Variants in GPC6 observed in about 807,000 individuals in gnomAD.
The protein encoded by GPC6 is glypican-6.
In GPC6, 14 loss-of-function variants were observed where a neutral mutation model predicts 55.2. The ratio of observed to expected loss-of-function variants is 0.25; its 90% confidence interval spans 0.17 to 0.40. GPC6 has a LOEUF of 0.40. GPC6 is among the 10% of genes least tolerant of loss of function. GPC6 has a pLI of 1.00. For synonymous variants in GPC6, 278 were observed against 259.6 expected, an observed-to-expected ratio of 1.07 and a Z score of -0.68; for missense variants, 641 against 708.5, an observed-to-expected ratio of 0.90 and a Z score of 1.08.
intron 4 of GPC6, among the ~76,000 whole-genome samples, chr13:94,034,770 G>T (rs73544035): frequency 2.6e-5 from 4 of 151,752 alleles, no homozygotes; most frequent in Admixed American, 6.6e-5. Flanking sequence ...CTGTGTAATC[G>T]AGATTTTCAA....
At chr13:93,882,195 C>T (rs915458558) in intron 3 of GPC6, among the ~76,000 whole-genome samples, 2 of 151,420 alleles carry the variant, frequency 1.3e-5, no homozygotes, top group Non-Finnish European at 2.9e-5. Context: ...CACTCTTTCG[C>T]CAAAGCTGGA....
intron 1 of GPC6, among the ~76,000 whole-genome samples, chr13:93,278,006 T>C (rs764260609): frequency 3.3e-5 from 5 of 152,218 alleles, no homozygotes; most frequent in African/African-American, 4.8e-5. Context: ...CTCTTTACTA[T>C]AGTTCCTGGA....
At chr13:93,673,681 G>A (rs1335762113) in intron 2 of GPC6, among the ~76,000 whole-genome samples, 1 of 152,092 alleles carries the variant, frequency 6.6e-6, no homozygotes, top group Non-Finnish European at 1.5e-5. Flanking sequence ...TTTTTTGTAT[G>A]TTAAAATTCA....
intron 1 of GPC6, among the ~76,000 whole-genome samples, chr13:93,446,443 G>C (rs1878004131): frequency 6.6e-6 from 1 of 152,162 alleles, no homozygotes; most frequent in Admixed American, 6.5e-5. Flanking sequence ...TTCTAGATAG[G>C]AGGGTATTAG....
chr13:94,220,448 G>A (rs1332899296), intron 4 of GPC6, among the ~76,000 whole-genome samples: 1 of 152,050 alleles, frequency 6.6e-6, no homozygotes. Flanking sequence ...TGCATTCATT[G>A]AAAACCAAAG....
At chr13:93,286,106 G>A (rs1324365400) in intron 1 of GPC6, among the ~76,000 whole-genome samples, 2 of 152,068 alleles carry the variant, frequency 1.3e-5, no homozygotes, top group African/African-American at 4.8e-5. Flanking sequence ...AGGTTTAATT[G>A]ACTCACAGTT....
At chr13:94,229,046 C>T (rs1278295880) in intron 4 of GPC6, among the ~76,000 whole-genome samples, 1 of 152,174 alleles carries the variant, frequency 6.6e-6, no homozygotes, top group East Asian at 1.9e-4. Flanking sequence ...CTTTATTTTA[C>T]AATCCCACAG....
At chr13:93,765,234 G>GTCTGGAAAGACAACTTTCCAGATAAGCTT (rs1885080911) in intron 2 of GPC6, among the ~76,000 whole-genome samples, 2 of 78,374 alleles carry the variant, frequency 2.6e-5, no homozygotes, top group Non-Finnish European at 3.7e-5. Flanking sequence ...AAGATAAATT[G>GTCTGGAAAGACAACTTTCCAGATAAGCTT]TCTGGAAAGA....
At chr13:93,553,244 CT>C (rs151318261) in intron 2 of GPC6, among the ~76,000 whole-genome samples, 6 of 151,340 alleles carry the variant, frequency 4.0e-5, no homozygotes, top group Admixed American at 1.3e-4. Flanking sequence ...GTAAGAGTTC[CT>C]TTTTTTTTCC....
At chr13:94,136,128 A>G (rs1887175874) in intron 4 of GPC6, among the ~76,000 whole-genome samples, 1 of 152,220 alleles carries the variant, frequency 6.6e-6, no homozygotes. Flanking sequence ...ACCAGAATGT[A>G]GAAAAGGGAA....
At chr13:93,764,510 C>G (rs1391514159) in intron 2 of GPC6, among the ~76,000 whole-genome samples, 4 of 151,256 alleles carry the variant, frequency 2.6e-5, no homozygotes, top group Non-Finnish European at 5.9e-5. Flanking sequence ...AAATTTGAGA[C>G]TTTTTGGGAT....
At chr13:93,605,037 A>G (rs1276805914) in intron 2 of GPC6, among the ~76,000 whole-genome samples, 1 of 152,216 alleles carries the variant, frequency 6.6e-6, no homozygotes, top group Non-Finnish European at 1.5e-5. Flanking sequence ...AGAAATGGCA[A>G]TCCTAAAGGA....
At chr13:93,868,374 T>G (rs553347697) in intron 3 of GPC6, among the ~76,000 whole-genome samples, 1 of 151,950 alleles carries the variant, frequency 6.6e-6, no homozygotes, top group African/African-American at 2.4e-5. Context: ...TATGCTTCTT[T>G]TATTAAGTTA....
At chr13:94,057,462 A>G (rs1884169967) in intron 4 of GPC6, among the ~76,000 whole-genome samples, 1 of 152,198 alleles carries the variant, frequency 6.6e-6, no homozygotes, top group South Asian at 2.1e-4. Flanking sequence ...AACTAGGATT[A>G]TGTTTTCCCA....
chr13:93,811,144 C>A (rs1886683420), intron 2 of GPC6, among the ~76,000 whole-genome samples: 2 of 152,168 alleles, frequency 1.3e-5, no homozygotes, highest in South Asian at 4.1e-4. Context: ...AGGACAGTCA[C>A]CCCAGATGAT....
chr13:94,107,040 T>C (rs1886079443), intron 4 of GPC6, among the ~76,000 whole-genome samples: 1 of 152,048 alleles, frequency 6.6e-6, no homozygotes, highest in African/African-American at 2.4e-5. Flanking sequence ...AAGACCCAAC[T>C]GTGGTATCAG....
At chr13:93,634,832 G>C (rs1470667389) in intron 2 of GPC6, among the ~76,000 whole-genome samples, 1 of 152,166 alleles carries the variant, frequency 6.6e-6, no homozygotes, top group African/African-American at 2.4e-5. Context: ...TCGCAGGCCA[G>C]CAAGTGTGAG....
intron 2 of GPC6, among the ~76,000 whole-genome samples, chr13:93,702,620 A>C (rs1472552125): frequency 6.6e-6 from 1 of 151,964 alleles, no homozygotes; most frequent in Non-Finnish European, 1.5e-5. Flanking sequence ...TCTACATTGA[A>C]AATCTGTTAT....
intron 2 of GPC6, among the ~76,000 whole-genome samples, chr13:93,745,123 G>A (rs1488123010): frequency 6.6e-6 from 1 of 152,004 alleles, no homozygotes; most frequent in East Asian, 1.9e-4. Flanking sequence ...CTCATTCCCT[G>A]GACAAACCCG....
Sources: allele counts gnomAD v4.1 joint callset (sites outside exome capture counted in the v4.1 genomes callset), GRCh38; gene constraint gnomAD v4.1.1; transcripts MANE v1.5; gene names NCBI Gene and HGNC (gene_info 2026-07-23, HGNC 2026-07-21).